The following EXOC6B variants were observed in gnomAD, a reference collection of about 807,000 sequenced individuals.
EXOC6B encodes SEC15 homolog B.
Under a neutral mutation model 113.5 loss-of-function variants are expected in EXOC6B, and 54 were observed. That is an observed-to-expected ratio of 0.48 (90% CI 0.38 to 0.60). EXOC6B has a LOEUF of 0.60. Ranked by LOEUF, EXOC6B falls within the 20% of genes least tolerant of loss-of-function variation. The pLI is 0.00. For missense variants in EXOC6B, 797 were observed against 977.5 expected (o/e 0.82, Z 2.46); for synonymous variants, 357 against 339.0 (o/e 1.05, Z -0.58).
Position 72,745,772 on chromosome 2 carries a change from T to C in EXOC6B, c.114-4303A>G, listed in dbSNP as rs115385047. Among the ~76,000 whole-genome samples, 442 of 152,262 alleles carry C rather than the reference T, an allele frequency of 2.9e-3. 1 individual carries two copies. The highest frequency in any genetic ancestry group is 0.01 in the African/African-American group (420 of 41,558). Reference sequence around the variant, plus strand: ...ACCATGAATCAGCATTTCAAGCACATTTAAATATAACACTTTGCTAACCAA... The same window carrying C: ...ACCATGAATCAGCATTTCAAGCACACTTAAATATAACACTTTGCTAACCAA... On this transcript the variant is annotated intron_variant, in intron 1 of 21. Coordinates refer to ENST00000272427, the MANE Select transcript of EXOC6B (RefSeq NM_015189.3).
intron 6 of EXOC6B, among the ~76,000 whole-genome samples, chr2:72,684,265 A>G (rs1478982044): frequency 6.6e-6 from 1 of 151,942 alleles, no homozygotes; most frequent in Non-Finnish European, 1.5e-5. Flanking sequence ...CTTATTCCTC[A>G]TATCCCAGAC....
At chr2:72,589,216 A>G (rs779290509) in intron 6 of EXOC6B, among the ~76,000 whole-genome samples, 1 of 152,048 alleles carries the variant, frequency 6.6e-6, no homozygotes, top group Non-Finnish European at 1.5e-5. Flanking sequence ...TTGAAACAAT[A>G]TAAATTCAGT....
chr2:72,759,960 G>A (rs751828416), intron 1 of EXOC6B, among the ~76,000 whole-genome samples: 8 of 152,220 alleles, frequency 5.3e-5, no homozygotes, highest in East Asian at 3.9e-4. Flanking sequence ...AGGGAGTTGC[G>A]TCAGTGAACT....
chr2:72,665,973 A>G (rs999824829), intron 6 of EXOC6B, among the ~76,000 whole-genome samples: 1 of 152,244 alleles, frequency 6.6e-6, no homozygotes, highest in Non-Finnish European at 1.5e-5. Context: ...ATAGACTCAA[A>G]GTAAAGGAAT....
intron 15 of EXOC6B, among the ~76,000 whole-genome samples, chr2:72,494,613 C>T (rs893333046): frequency 1.3e-5 from 2 of 151,956 alleles, no homozygotes; most frequent in South Asian, 2.1e-4. Context: ...AAAAATTTTC[C>T]GAGCTGGGTA....
At chr2:72,470,058 C>A (rs1573196594) in intron 17 of EXOC6B, among the ~76,000 whole-genome samples, 2 of 151,904 alleles carry the variant, frequency 1.3e-5, no homozygotes. Context: ...TTTGGCTATT[C>A]GTGTTCTTTT....
At chr2:72,234,491 C>T (rs989954576) in intron 20 of EXOC6B, among the ~76,000 whole-genome samples, 1 of 152,134 alleles carries the variant, frequency 6.6e-6, no homozygotes, top group African/African-American at 2.4e-5. Context: ...TACTTCTGGA[C>T]ATAGGCCCCC....
At chr2:72,546,567 A>G (rs1465516024) in intron 8 of EXOC6B, among the ~76,000 whole-genome samples, 1 of 152,212 alleles carries the variant, frequency 6.6e-6, no homozygotes, top group African/African-American at 2.4e-5. Flanking sequence ...CATATTCTGA[A>G]ATGTAACACA....
chr2:72,722,070 CAT>C (rs1488657765), intron 5 of EXOC6B: 1 of 148,844 alleles, frequency 6.7e-6, no homozygotes, highest in East Asian at 1.9e-4. Context: ...AATACTTACA[CAT>C]ATAAATTATG....
chr2:72,674,256 T>C (rs1676118196), intron 6 of EXOC6B, among the ~76,000 whole-genome samples: 1 of 152,172 alleles, frequency 6.6e-6, no homozygotes. Context: ...CAATCAAGCA[T>C]ACTCCCAATC....
intron 18 of EXOC6B, among the ~76,000 whole-genome samples, chr2:72,460,297 G>A (rs898349168): frequency 6.6e-6 from 1 of 151,958 alleles, no homozygotes; most frequent in Admixed American, 6.6e-5. Context: ...ACAGGCATGG[G>A]CAAGGACTTC....
At chr2:72,780,155 C>A (rs1473972159) in intron 1 of EXOC6B, among the ~76,000 whole-genome samples, 2 of 152,142 alleles carry the variant, frequency 1.3e-5, no homozygotes, top group African/African-American at 4.8e-5. Context: ...AGAAACAATT[C>A]TATGCTGCTT....
intron 8 of EXOC6B, among the ~76,000 whole-genome samples, chr2:72,550,924 T>TA (rs1703183885): frequency 6.9e-6 from 1 of 145,966 alleles, no homozygotes; most frequent in Admixed American, 6.8e-5. Flanking sequence ...TTTTTATTTT[T>TA]TTTTTTTTTT....
At chr2:72,799,223 G>A (rs1685147388) in intron 1 of EXOC6B, among the ~76,000 whole-genome samples, 1 of 129,356 alleles carries the variant, frequency 7.7e-6, no homozygotes, top group Admixed American at 8.5e-5. Context: ...CTGGGTGACA[G>A]AGTGAGACCC....
chr2:72,401,009 T>C (rs959380721), intron 18 of EXOC6B, among the ~76,000 whole-genome samples: 4 of 152,006 alleles, frequency 2.6e-5, no homozygotes, highest in Non-Finnish European at 2.9e-5. Context: ...ATCACAGCAC[T>C]ATTCATAATA....
chr2:72,814,968 G>A (rs1206549638), intron 1 of EXOC6B, among the ~76,000 whole-genome samples: 2 of 152,288 alleles, frequency 1.3e-5, no homozygotes, highest in South Asian at 4.1e-4. Flanking sequence ...TCCAGCCTGG[G>A]CGACAGAGCG....
chr2:72,765,606 G>C (rs1271149567), intron 1 of EXOC6B, among the ~76,000 whole-genome samples: 1 of 152,170 alleles, frequency 6.6e-6, no homozygotes, highest in Non-Finnish European at 1.5e-5. Context: ...CCGGGAGGTG[G>C]AGGTTGCTGT....
rs141166987 is a variant in EXOC6B, at chr2:72,218,637, C to T, written c.2197-34450G>A. On this transcript the variant is annotated intron_variant, in intron 20 of 21. Coordinates refer to ENST00000272427, the MANE Select transcript of EXOC6B (RefSeq NM_015189.3). ...CTCCAGTTTTTATATTGCCTTGATCCGTCAGCTCTACTCTTAATATGCCAT... is the reference window on the plus strand; with the variant it reads ...CTCCAGTTTTTATATTGCCTTGATCTGTCAGCTCTACTCTTAATATGCCAT... Among the ~76,000 whole-genome samples, 235 of 152,044 alleles carry T rather than the reference C, an allele frequency of 1.5e-3. 1 individual carries two copies. Among genetic ancestry groups the T allele is most frequent in the African/African-American group, 5.4e-3 (226 of 41,488 alleles).
In EXOC6B at chr2:72,657,567, C is replaced by CTTTTTTTTTTTTTTTT. The variant is rs70963136; in HGVS notation, c.669+60520_669+60535dup. ...TATTAGGTCTTTCCTCTTTCCTTTTCTTTTTTTTTTTTTTTTTTTTTTTTT... is the reference window on the plus strand; with the variant it reads ...TATTAGGTCTTTCCTCTTTCCTTTTCTTTTTTTTTTTTTTTTTTTTTTTTTTTTTTTTTTTTTTTTT... On this transcript the variant is annotated intron_variant, in intron 6 of 21. Transcript: ENST00000272427. 1.2e-3 allele frequency among the ~76,000 whole-genome samples: 59 copies of CTTTTTTTTTTTTTTTT among 50,378 alleles called. 4 individuals are homozygous for CTTTTTTTTTTTTTTTT. The highest frequency in any genetic ancestry group is 1.4e-3 in the African/African-American group (15 of 10,460). The allele number at this position is 50,378 out of a possible 152,430, so 33.0% of individuals were successfully genotyped here.
Sources: allele counts gnomAD v4.1 joint callset (sites outside exome capture counted in the v4.1 genomes callset), GRCh38; gene constraint gnomAD v4.1.1; transcripts MANE v1.5; gene names NCBI Gene and HGNC (gene_info 2026-07-23, HGNC 2026-07-21).